Variants in CEMIP observed in about 807,000 individuals in gnomAD.
CEMIP encodes the protein cell migration inducing hyaluronidase 1.
In CEMIP, 105 loss-of-function variants were observed where a neutral mutation model predicts 156.9. The ratio of observed to expected loss-of-function variants is 0.67; its 90% confidence interval spans 0.57 to 0.79. The LOEUF (loss-of-function observed/expected upper bound fraction) is 0.79. Ranked by LOEUF, CEMIP falls within the 30% of genes least tolerant of loss-of-function variation. The pLI is 0.00. For synonymous variants in CEMIP, 676 were observed against 668.4 expected (o/e 1.01, Z -0.17); for missense variants, 1,457 against 1,769.4 (o/e 0.82, Z 3.17).
intron 1 of CEMIP, among the ~76,000 whole-genome samples, chr15:80,840,689 C>G (rs79518609): frequency 1.2e-3 from 179 of 152,286 alleles, no homozygotes; most frequent in African/African-American, 4.1e-3. Context: ...GCCCTGGGCC[C>G]TGCAGCGCCC....
intron 12 of CEMIP, among the ~76,000 whole-genome samples, chr15:80,897,497 C>T (rs1469049155): frequency 2.6e-5 from 4 of 152,134 alleles, no homozygotes; most frequent in African/African-American, 4.8e-5. Flanking sequence ...ACCTCAGACC[C>T]TGAAAAAGAA....
chr15:80,866,547 C>T (rs929293827), intron 1 of CEMIP, among the ~76,000 whole-genome samples: 6 of 151,204 alleles, frequency 4.0e-5, no homozygotes, highest in East Asian at 3.9e-4. Context: ...GCTGAGATGG[C>T]GCCACTGCCC....
At chr15:80,785,495 A>G (rs1022395774) in intron 1 of CEMIP, among the ~76,000 whole-genome samples, 1 of 152,158 alleles carries the variant, frequency 6.6e-6, no homozygotes, top group Non-Finnish European at 1.5e-5. Flanking sequence ...ATCTTCTATG[A>G]GGCAGGCCCT....
intron 10 of CEMIP, among the ~76,000 whole-genome samples, chr15:80,892,101 G>A (rs1321316861): frequency 6.6e-6 from 1 of 151,986 alleles, no homozygotes; most frequent in African/African-American, 2.4e-5. Context: ...ACCTCCCCGG[G>A]CCCTGAGCTT....
At position 80,948,912 on chromosome 15, in the gene CEMIP, G is replaced by C. The variant is rs1484339907; in HGVS notation, c.4074G>C (p.Lys1358Asn). ...TTGTGCCCATCCCTGTGGTGAAGAAGAAGAAGTTGTGAGGACAGCTGCCGC... is the reference window on the plus strand; with the variant it reads ...TTGTGCCCATCCCTGTGGTGAAGAACAAGAAGTTGTGAGGACAGCTGCCGC... Reference protein sequence around the residue: ...FQVVPIPVVKKKKL With the variant: ...FQVVPIPVVKNKKL The change falls in exon 30 of 30, where the codon AAG (lysine) becomes AAC (asparagine). Residue 1358 changes from lysine (K) to asparagine (N), a missense_variant. Physicochemically the swap from Lys to Asn is moderately conservative, Grantham distance 94. Transcript: ENST00000394685. 3 of 1,614,244 alleles carry C rather than the reference G, an allele frequency of 1.9e-6. No homozygotes were observed. The highest frequency in any genetic ancestry group is 2.5e-6 in the Non-Finnish European group (3 of 1,180,042).
chr15:80,785,187 G>A (rs1226042998), intron 1 of CEMIP, among the ~76,000 whole-genome samples: 1 of 152,174 alleles, frequency 6.6e-6, no homozygotes, highest in African/African-American at 2.4e-5. Flanking sequence ...AATTTTGGTG[G>A]TATTAAGAGA....
At chr15:80,889,629 T>A (rs754346506) in intron 10 of CEMIP, 37 bp downstream of exon 10, 19 of 1,611,750 alleles carry the variant, frequency 1.2e-5, no homozygotes, top group Non-Finnish European at 5.1e-6. Context: ...AATAGAAATG[T>A]GTTGTTTTGA....
chr15:80,845,692 T>C (rs578093355), intron 1 of CEMIP, among the ~76,000 whole-genome samples: 2 of 152,296 alleles, frequency 1.3e-5, no homozygotes, highest in East Asian at 3.9e-4. Flanking sequence ...CAGCAGGCAT[T>C]CCAGCCTTTA....
At chr15:80,938,123 C>A in intron 25 of CEMIP, 144 bp downstream of exon 25, 1 of 688,902 alleles carries the variant, frequency 1.5e-6, no homozygotes, top group Non-Finnish European at 2.6e-6. Context: ...CTAAGGCTGA[C>A]TGTCCCATAC....
intron 1 of CEMIP, among the ~76,000 whole-genome samples, chr15:80,839,569 A>T (rs954599955): frequency 6.6e-6 from 1 of 152,142 alleles, no homozygotes; most frequent in African/African-American, 2.4e-5. Context: ...GCCTTCAGCA[A>T]CGGGGCCCTG....
At chr15:80,842,024 A>G (rs759122883) in intron 1 of CEMIP, 1 of 482,374 alleles carries the variant, frequency 2.1e-6, no homozygotes, top group East Asian at 6.2e-5. Context: ...CTGATTTGAG[A>G]CAGTGACAAC....
At chr15:80,831,411 G>C (rs577228198) in intron 1 of CEMIP, among the ~76,000 whole-genome samples, 2 of 152,108 alleles carry the variant, frequency 1.3e-5, no homozygotes, top group Non-Finnish European at 2.9e-5. Flanking sequence ...AGTGGGCCAC[G>C]GCACTTCCCA....
At chr15:80,944,249 C>A (rs972408937) in intron 28 of CEMIP, among the ~76,000 whole-genome samples, 1 of 152,176 alleles carries the variant, frequency 6.6e-6, no homozygotes, top group Non-Finnish European at 1.5e-5. Flanking sequence ...AGCTGCACTC[C>A]AGCCTGGGTG....
At chr15:80,821,698 C>G (rs1896913600) in intron 1 of CEMIP, among the ~76,000 whole-genome samples, 1 of 152,112 alleles carries the variant, frequency 6.6e-6, no homozygotes, top group South Asian at 2.1e-4. Context: ...TTTGTGTATC[C>G]CTTACATCTC....
At chr15:80,835,757 GCAGGC>G (rs2141690245) in intron 1 of CEMIP, among the ~76,000 whole-genome samples, 1 of 152,314 alleles carries the variant, frequency 6.6e-6, no homozygotes, top group African/African-American at 2.4e-5. Flanking sequence ...TAGGGACCTT[GCAGGC>G]TGGTGCTATG....
intron 23 of CEMIP, among the ~76,000 whole-genome samples, chr15:80,935,145 G>A (rs1254902850): frequency 6.6e-6 from 1 of 152,192 alleles, no homozygotes; most frequent in African/African-American, 2.4e-5. Context: ...GTAGGTGTGG[G>A]CAGAGGAAGG....
chr15:80,828,943 CT>C (rs370373793), intron 1 of CEMIP, among the ~76,000 whole-genome samples: 44 of 152,352 alleles, frequency 2.9e-4, no homozygotes, highest in African/African-American at 8.7e-4. Context: ...GATTGCTCAT[CT>C]GCAACTGGCA....
chr15:80,916,430 A>G (rs11072956), intron 14 of CEMIP, among the ~76,000 whole-genome samples: 111,353 of 152,176 alleles, frequency 0.73, 44,012 homozygotes, highest in Non-Finnish European at 0.87. Flanking sequence ...GAAGGAAGAT[A>G]TCCAGAAGGA....
rs1232061660 is a variant in CEMIP, at chr15:80,936,727, T to C, written c.3063T>C (p.Asn1021=). Residue 1021 remains asparagine (N), a synonymous_variant, in exon 24 of 30, where the codon AAT becomes AAC. Transcript: ENST00000394685. ...ACCTGCGAATGAAGATCATCAAGAA[T>C]GACTTCCCCAGCCACCCTCTTTACC... ...TSNLRMKIIK[N]DFPSHPLYLE... The C allele has an allele frequency of 6.2e-7, 1 of 1,614,188 alleles. No homozygotes were observed. The highest frequency in any genetic ancestry group is 8.5e-7 in the Non-Finnish European group (1 of 1,180,022).
Sources: allele counts gnomAD v4.1 joint callset (sites outside exome capture counted in the v4.1 genomes callset), GRCh38; gene constraint gnomAD v4.1.1; transcripts MANE v1.5; gene names NCBI Gene and HGNC (gene_info 2026-07-23, HGNC 2026-07-21).